Variants in RYR2 observed in about 807,000 individuals in gnomAD.
The protein encoded by RYR2 is ryanodine receptor 2, also known as cardiac muscle ryanodine receptor-calcium release channel.
In RYR2, 227 loss-of-function variants were observed where a neutral mutation model predicts 601.1. That is an observed-to-expected ratio of 0.38 (90% CI 0.34 to 0.42). The LOEUF is 0.42. Ranked by LOEUF, RYR2 falls within the 10% of genes least tolerant of loss-of-function variation. The pLI is 1.00. For synonymous variants in RYR2, 2,223 were observed against 2,175.1 expected (o/e 1.02, Z -0.61); for missense variants, 4,646 against 6,156.5 (o/e 0.75, Z 8.21).
intron 38 of RYR2, among the ~76,000 whole-genome samples, chr1:237,619,014 C>T (rs563026302): frequency 1.3e-4 from 20 of 152,268 alleles, no homozygotes; most frequent in South Asian, 4.1e-4. Flanking sequence ...AAATGGACTT[C>T]GCCTCCCACC....
At chr1:237,226,444 GA>G (rs1684376235) in intron 1 of RYR2, among the ~76,000 whole-genome samples, 2 of 152,126 alleles carry the variant, frequency 1.3e-5, no homozygotes, top group African/African-American at 4.8e-5. Flanking sequence ...TGTTGTCTCT[GA>G]GAATGTTACA....
At chr1:237,827,071 A>G (rs1191273123) in intron 101 of RYR2, among the ~76,000 whole-genome samples, 2 of 152,186 alleles carry the variant, frequency 1.3e-5, no homozygotes, top group Non-Finnish European at 2.9e-5. Flanking sequence ...TGTAAATGTG[A>G]CAATCTCTTT....
Position 237,666,405 on chromosome 1 carries a change from A to G in RYR2, c.8437-107A>G, listed in dbSNP as rs1316917167. 6 of 926,536 alleles carry G rather than the reference A, an allele frequency of 6.5e-6. No individual in the cohort carries two copies. In the African/African-American group the frequency reaches 1.0e-4, roughly 16 times the overall value. The allele number at this position is 926,536 out of a possible 1,614,324, so 57.4% of individuals were successfully genotyped here. On this transcript the variant is annotated intron_variant, in intron 56 of 104. Coordinates refer to ENST00000366574, the MANE Select transcript of RYR2 (RefSeq NM_001035.3). ...GTATAGAAACTTGCCAGTTTTATCT[A>G]AGGAAACACTATGTTTGGAAATTTG...
At chr1:237,478,474 G>T (rs997557475) in intron 17 of RYR2, among the ~76,000 whole-genome samples, 1 of 152,126 alleles carries the variant, frequency 6.6e-6, no homozygotes, top group African/African-American at 2.4e-5. Flanking sequence ...TTTATTTTTG[G>T]ATTTAGCAGT....
At chr1:237,452,189 C>A (rs551704550) in intron 14 of RYR2, among the ~76,000 whole-genome samples, 5 of 145,300 alleles carry the variant, frequency 3.4e-5, no homozygotes, top group Non-Finnish European at 6.0e-5. Context: ...AGTGTTTAAA[C>A]ATACATATTA....
chr1:237,645,105 A>G (rs938822426), intron 48 of RYR2, among the ~76,000 whole-genome samples: 5 of 152,194 alleles, frequency 3.3e-5, no homozygotes, highest in African/African-American at 7.2e-5. Flanking sequence ...TTCATTAATT[A>G]TGCCCCTAGA....
chr1:237,269,106 G>A (rs1292174232), intron 1 of RYR2, among the ~76,000 whole-genome samples: 1 of 132,886 alleles, frequency 7.5e-6, no homozygotes, highest in Non-Finnish European at 1.5e-5. Flanking sequence ...GCAATGGCAC[G>A]ATCTCAGCTC....
chr1:237,349,011 T>C (rs998762624), intron 3 of RYR2, among the ~76,000 whole-genome samples: 4 of 152,176 alleles, frequency 2.6e-5, no homozygotes, highest in Admixed American at 2.6e-4. Flanking sequence ...GAAAAAATCA[T>C]AAAAGATGCA....
At chr1:237,482,340 C>G (rs1662206742) in intron 17 of RYR2, among the ~76,000 whole-genome samples, 1 of 152,056 alleles carries the variant, frequency 6.6e-6, no homozygotes, top group African/African-American at 2.4e-5. Flanking sequence ...TCCCTACATT[C>G]CTCTAGAGCC....
At chr1:237,771,414 A>AT (rs1250367456) in intron 85 of RYR2, among the ~76,000 whole-genome samples, 1 of 114,720 alleles carries the variant, frequency 8.7e-6, no homozygotes, top group Non-Finnish European at 1.8e-5. Context: ...CTGTCTCTCA[A>AT]TAAAAAAAAA....
In RYR2 at chr1:237,147,771, G is replaced by A. The variant is rs148934225; in HGVS notation, c.48+105202G>A. On this transcript the variant is annotated intron_variant, in intron 1 of 104. Transcript: ENST00000366574. ...GTTGAACTGAATCCTTTGCGATCCC[G>A]CAACACTGTGGCTATCAGAGAGTCA... is the stretch of plus-strand genomic sequence containing the variant. Among the ~76,000 whole-genome samples the A allele has an allele frequency of 1.2e-3, 176 of 152,300 alleles. 2 individuals are homozygous for A. Among genetic ancestry groups the A allele is most frequent in the African/African-American group, 4.0e-3 (168 of 41,564 alleles).
intron 32 of RYR2, among the ~76,000 whole-genome samples, chr1:237,592,788 A>T (rs1184968650): frequency 6.6e-6 from 1 of 152,122 alleles, no homozygotes; most frequent in Non-Finnish European, 1.5e-5. Context: ...TGGGAGGCTG[A>T]GGCAGGTGGA....
rs369325508 is a variant in RYR2, at chr1:237,124,156, C to T, written c.48+81587C>T. On this transcript the variant is annotated intron_variant, in intron 1 of 104. Transcript: ENST00000366574. ...AAAAAAGCTGGCATCTTGCCATTGG[C>T]TTATGGATCATTTTGCAATGATTTG... Among the ~76,000 whole-genome samples, 217 of 152,272 alleles carry T rather than the reference C, an allele frequency of 1.4e-3. 1 individual carries two copies. The highest frequency in any genetic ancestry group is 5.1e-3 in the African/African-American group (210 of 41,548).
intron 80 of RYR2, among the ~76,000 whole-genome samples, chr1:237,750,187 A>G (rs1310516997): frequency 1.3e-5 from 2 of 152,146 alleles, no homozygotes; most frequent in Non-Finnish European, 2.9e-5. Flanking sequence ...TGTCTTCTGT[A>G]CATACATACG....
rs374248028 is a variant in RYR2, at chr1:237,369,474, G to A, written c.310-60G>A. The A allele has an allele frequency of 7.3e-6, 10 of 1,362,798 alleles. No individual in the cohort carries two copies. In the African/African-American group the frequency reaches 1.2e-4, roughly 16 times the overall value. 84.4% of individuals were successfully genotyped at this position (1,362,798 alleles called of 1,614,324 possible). On this transcript the variant is annotated intron_variant, in intron 5 of 104. Transcript: ENST00000366574. ...GAGCAAGAGAGTATTTTATCAACTT[G>A]GTTAAGTTACTCTTTTGTGTTTTTC...
At position 237,700,483 on chromosome 1, in the gene RYR2, T is replaced by A. The variant is rs775099398; in HGVS notation, c.9367+16T>A. On this transcript the variant is annotated intron_variant, in intron 65 of 104. Transcript: ENST00000366574. ...GACCTAATATGTATGTAAATTTATA[T>A]CTTGGAGTTTTTTTTTTTTTAATCG... 6.7e-6 allele frequency: 9 copies of A among 1,334,932 alleles called. No individual in the cohort carries two copies. The highest frequency in any genetic ancestry group is 9.4e-6 in the Non-Finnish European group (9 of 959,502). 82.7% of individuals were successfully genotyped at this position (1,334,932 alleles called of 1,614,324 possible). A position where few individuals can be genotyped will look rare whatever the true frequency, so the allele number is the denominator to read the frequency against.
rs766709942 is a variant in RYR2, at chr1:237,792,110, C to T, written c.13569C>T (p.Ser4523=). ...INFILLFYKV[S]TSSVVEGKEL... ...CTTTAAATGCTTTGAATCAGGTCTC[C>T]ACTTCTTCTGTGGTTGAAGGAAAGG... The change falls in exon 94 of 105, where the codon TCC becomes TCT. Residue 4523 remains serine (S), a synonymous_variant. Transcript: ENST00000366574. 1.3e-6 allele frequency: 2 copies of T among 1,591,588 alleles called. No individual in the cohort carries two copies. Among genetic ancestry groups the T allele is most frequent in the Admixed American group, 1.8e-5 (1 of 56,328 alleles).
At chr1:237,202,870 C>T (rs895151282) in intron 1 of RYR2, among the ~76,000 whole-genome samples, 4 of 152,254 alleles carry the variant, frequency 2.6e-5, no homozygotes, top group Non-Finnish European at 5.9e-5. Flanking sequence ...AGGGAAAGGA[C>T]AATTGGAACC....
chr1:237,108,275 G>C (rs1668980028), intron 1 of RYR2, among the ~76,000 whole-genome samples: 2 of 152,184 alleles, frequency 1.3e-5, no homozygotes, highest in Admixed American at 6.5e-5. Flanking sequence ...GGAGGGATCG[G>C]AGGGGCCCAG....
Sources: allele counts gnomAD v4.1 joint callset (sites outside exome capture counted in the v4.1 genomes callset), GRCh38; gene constraint gnomAD v4.1.1; transcripts MANE v1.5; gene names NCBI Gene and HGNC (gene_info 2026-07-23, HGNC 2026-07-21).